Variants in ZBTB43 observed in about 807,000 individuals in gnomAD.
ZBTB43 encodes the protein zinc finger and BTB domain containing 43.
Under a neutral mutation model 31.1 loss-of-function variants are expected in ZBTB43, and 6 were observed. The ratio of observed to expected loss-of-function variants is 0.19; its 90% CI spans 0.11 to 0.38. The LOEUF is 0.38. Ranked by LOEUF, ZBTB43 falls within the 10% of genes least tolerant of loss-of-function variation. ZBTB43 has a pLI of 1.00. For synonymous variants in ZBTB43, 212 were observed against 221.7 expected, an observed-to-expected ratio of 0.96 and a Z score of 0.39; for missense variants, 379 against 602.1, an observed-to-expected ratio of 0.63 and a Z score of 3.88.
intron 2 of ZBTB43, among the ~76,000 whole-genome samples, chr9:126,826,338 G>A (rs1055106799): frequency 6.6e-6 from 1 of 150,938 alleles, no homozygotes; most frequent in African/African-American, 2.4e-5. Context: ...GTAGAGATGG[G>A]GTTTCACTAT....
Position 126,833,891 on chromosome 9 carries a change from A to G in ZBTB43, c.1382A>G (p.Gln461Arg). 8 of 1,585,192 alleles carry G rather than the reference A, an allele frequency of 5.0e-6. No homozygotes were observed. Among genetic ancestry groups the G allele is most frequent in the Non-Finnish European group, 6.9e-6 (8 of 1,156,692 alleles). ...TKSYEAAKAE[Q>R]NTTEAN is the part of the protein sequence containing the mutation. Reference sequence around the variant, plus strand: ...TCCTACGAAGCTGCAAAGGCTGAGCAGAATACAACTGAGGCTAACTAAAAA... The same window carrying G: ...TCCTACGAAGCTGCAAAGGCTGAGCGGAATACAACTGAGGCTAACTAAAAA... Residue 461 changes from glutamine to arginine, a missense_variant, in exon 3 of 3, where the codon CAG becomes CGG. Physicochemically the swap from Gln to Arg is conservative, Grantham distance 43 (BLOSUM62 1). Transcript: ENST00000373464. This position sits in a 1 kb window ranked among gnomAD's most constrained non-coding sequence, Gnocchi z 7.9.
At chr9:126,822,801 C>T (rs902344156) in intron 2 of ZBTB43, among the ~76,000 whole-genome samples, 1 of 152,158 alleles carries the variant, frequency 6.6e-6, no homozygotes, top group African/African-American at 2.4e-5. Flanking sequence ...AGTCACCACC[C>T]TGATCAGTCA....
chr9:126,833,498 C>T lies in ZBTB43; in HGVS notation c.989C>T (p.Ser330Leu), dbSNP rs1172999539. 1 of 1,614,136 alleles carries T rather than the reference C, an allele frequency of 6.2e-7. No homozygotes were observed. The highest frequency in any genetic ancestry group is 8.5e-7 in the Non-Finnish European group (1 of 1,180,022). The change falls in exon 3 of 3, where the codon TCA (serine) becomes TTA (leucine). Residue 330 changes from serine (S) to leucine (L), a missense_variant. Coordinates refer to ENST00000373464, the MANE Select transcript of ZBTB43 (RefSeq NM_014007.4). The surrounding 1 kb of genome is among the most constrained non-coding windows in gnomAD (Gnocchi z 7.9). Reference sequence around the variant, plus strand: ...ATGGAAGAGTTTTCCGGAGAGAGGTCAGATGGGAATCTAATTGGGCACAGA... The same window carrying T: ...ATGGAAGAGTTTTCCGGAGAGAGGTTAGATGGGAATCTAATTGGGCACAGA... ...SSMEEFSGER[S>L]DGNLIGHRQE...
chr9:126,821,761 AGCTTTTCTAACCTGTGGCCCCCAGGACG>A (rs1479401495), intron 2 of ZBTB43, among the ~76,000 whole-genome samples: 2 of 152,206 alleles, frequency 1.3e-5, no homozygotes, highest in Non-Finnish European at 2.9e-5. Flanking sequence ...ATTTAGAGTA[AGCTTTTCTAACCTGTGGCCCCCAGGACG>A]GCTTTTCTAA....
intron 2 of ZBTB43, among the ~76,000 whole-genome samples, chr9:126,813,365 C>T (rs533720236): frequency 2.6e-5 from 4 of 152,156 alleles, no homozygotes; most frequent in Non-Finnish European, 4.4e-5. Flanking sequence ...TGCTTTAGTC[C>T]GTCAGCAGAT....
chr9:126,830,739 T>G (rs1169586409), intron 2 of ZBTB43, among the ~76,000 whole-genome samples: 1 of 130,096 alleles, frequency 7.7e-6, no homozygotes, highest in Non-Finnish European at 1.6e-5. Flanking sequence ...GTTTGGGTGG[T>G]TTTTTTTTTT....
At chr9:126,806,124 G>T (rs928680620) in intron 1 of ZBTB43, among the ~76,000 whole-genome samples, 3 of 152,252 alleles carry the variant, frequency 2.0e-5, no homozygotes, top group Admixed American at 2.0e-4. Flanking sequence ...AAATGCCTTC[G>T]CTCTATCCAC....
chr9:126,827,110 A>G (rs575994131), intron 2 of ZBTB43, among the ~76,000 whole-genome samples: 10 of 152,206 alleles, frequency 6.6e-5, no homozygotes, highest in African/African-American at 2.4e-4. Flanking sequence ...GACTTTTCCT[A>G]TTTTGTAAAG....
At chr9:126,821,925 C>T (rs1004064446) in intron 2 of ZBTB43, among the ~76,000 whole-genome samples, 4 of 152,076 alleles carry the variant, frequency 2.6e-5, no homozygotes, top group African/African-American at 7.2e-5. Flanking sequence ...TGCAATGGCA[C>T]GATCTTGGCT....
chr9:126,833,494 A>T lies in ZBTB43; in HGVS notation c.985A>T (p.Arg329Trp). ...TTCCATGGAAGAGTTTTCCGGAGAG[A>T]GGTCAGATGGGAATCTAATTGGGCA... Reference protein sequence around the residue: ...GSSMEEFSGERSDGNLIGHRQ... With the variant: ...GSSMEEFSGEWSDGNLIGHRQ... The change falls in exon 3 of 3, where the codon AGG (arginine) becomes TGG (tryptophan). Residue 329 changes from arginine (R) to tryptophan (W), a missense_variant. This residue lies in a region of ZBTB43 where 253 missense variants were observed against 322.3 expected (regional missense o/e 0.79). Coordinates refer to ENST00000373464, the MANE Select transcript of ZBTB43 (RefSeq NM_014007.4). This position sits in a 1 kb window ranked among gnomAD's most constrained non-coding sequence, Gnocchi z 7.9. The T allele has an allele frequency of 6.2e-7, 1 of 1,614,114 alleles. No individual in the cohort carries two copies. Among genetic ancestry groups the T allele is most frequent in the Non-Finnish European group, 8.5e-7 (1 of 1,180,028 alleles).
chr9:126,804,174 G>A (rs2119095252), upstream of ZBTB43, among the ~76,000 whole-genome samples: 1 of 152,292 alleles, frequency 6.6e-6, no homozygotes, highest in African/African-American at 2.4e-5. Context: ...ACATGGGGGG[G>A]CAGTGGGGAA....
chr9:126,822,722 A>G (rs1330428908), intron 2 of ZBTB43, among the ~76,000 whole-genome samples: 1 of 152,226 alleles, frequency 6.6e-6, no homozygotes, highest in East Asian at 1.9e-4. Flanking sequence ...CCTGGGCAGC[A>G]GAGCGAGACC....
chr9:126,805,081 G>T lies in ZBTB43; in HGVS notation c.-198G>T, dbSNP rs1457131837. ...CTGAGGCTACAACAGGCCTGCGCCG[G>T]CGGCAGAGAGGATATCTTGGGCGGG... On this transcript the variant is annotated 5_prime_UTR_variant, in exon 1 of 3. Coordinates refer to ENST00000373464, the MANE Select transcript of ZBTB43 (RefSeq NM_014007.4). 6.6e-6 allele frequency: 1 copy of T among 152,516 alleles called. No individual in the cohort carries two copies. Among genetic ancestry groups the T allele is most frequent in the African/African-American group, 2.4e-5 (1 of 41,474 alleles). 9.4% of individuals were successfully genotyped at this position (152,516 alleles called of 1,614,324 possible).
At chr9:126,822,199 GGTTAGT>G (rs1223634100) in intron 2 of ZBTB43, among the ~76,000 whole-genome samples, 1 of 149,058 alleles carries the variant, frequency 6.7e-6, no homozygotes, top group Admixed American at 6.7e-5. Context: ...CATCTGCTAT[GGTTAGT>G]GTTAGTGTGT....
upstream of ZBTB43, among the ~76,000 whole-genome samples, chr9:126,804,349 A>G (rs373546051): frequency 6.6e-6 from 1 of 152,272 alleles, no homozygotes; most frequent in South Asian, 2.1e-4. Context: ...CATCTACTAC[A>G]TGCCAAAAAG....
intron 2 of ZBTB43, among the ~76,000 whole-genome samples, chr9:126,823,292 G>T (rs1333014547): frequency 6.6e-6 from 1 of 152,046 alleles, no homozygotes; most frequent in African/African-American, 2.4e-5. Flanking sequence ...GAGTTATCTT[G>T]TTAGGTGTGT....
rs2119180004 is a variant in ZBTB43 at position 126,836,799 on chromosome 9, T to C, written c.*2886T>C. ...GGAAAGGGCTTCAAGGCACCACCAG[T>C]GGTATTTAATATTCATACTTGGGGC... On this transcript the variant is annotated 3_prime_UTR_variant, in exon 3 of 3. Coordinates refer to ENST00000373464, the MANE Select transcript of ZBTB43 (RefSeq NM_014007.4). 6.0e-6 allele frequency: 1 copy of C among 166,872 alleles called. No homozygotes were observed. Among genetic ancestry groups the C allele is most frequent in the East Asian group, 1.9e-4 (1 of 5,172 alleles). 10.3% of individuals were successfully genotyped at this position (166,872 alleles called of 1,614,324 possible). A position where few individuals can be genotyped will look rare whatever the true frequency, so the allele number is the denominator to read the frequency against.
rs1165560808 is a variant in ZBTB43, at chr9:126,828,650, TAATA to T, written c.-23-3835_-23-3832del. On this transcript the variant is annotated intron_variant, in intron 2 of 2. Coordinates refer to ENST00000373464, the MANE Select transcript of ZBTB43 (RefSeq NM_014007.4). ...CTCTAAATAATAATAATAATAATAA[TAATA>T]ATTATTATTATTATTATTATTATTT... Among the ~76,000 whole-genome samples the T allele has an allele frequency of 1.5e-3, 210 of 142,942 alleles. 2 individuals are homozygous for T. The highest frequency in any genetic ancestry group is 4.2e-3 in the African/African-American group (164 of 38,972). The allele number at this position is 142,942 out of a possible 152,430, so 93.8% of individuals were successfully genotyped here. A position where few individuals can be genotyped will look rare whatever the true frequency, so the allele number is the denominator to read the frequency against.
intron 1 of ZBTB43, among the ~76,000 whole-genome samples, chr9:126,808,515 T>G (rs1353929636): frequency 6.6e-6 from 1 of 152,242 alleles, no homozygotes; most frequent in Non-Finnish European, 1.5e-5. Flanking sequence ...TTTTCTAGTT[T>G]TAATGAATAT....
Sources: allele counts gnomAD v4.1 joint callset (sites outside exome capture counted in the v4.1 genomes callset), GRCh38; gene constraint gnomAD v4.1.1; regional missense constraint gnomAD v4.1.1; non-coding constraint Gnocchi (gnomAD v3.1); transcripts MANE v1.5; gene names NCBI Gene and HGNC (gene_info 2026-07-23, HGNC 2026-07-21).